STON2: variants seen among roughly 807,000 people sequenced by gnomAD.
The protein encoded by STON2 is stonin 2.
Under a neutral mutation model 65.7 loss-of-function variants are expected in STON2, and 29 were observed. That is an observed-to-expected ratio of 0.44 (90% CI 0.33 to 0.60). The LOEUF is 0.60. STON2 is among the 20% of genes least tolerant of loss of function. The pLI is 0.03. For synonymous variants in STON2, 404 were observed against 414.2 expected, an observed-to-expected ratio of 0.98 and a Z score of 0.30; for missense variants, 1,054 against 1,118.1, an observed-to-expected ratio of 0.94 and a Z score of 0.82.
intron 2 of STON2, among the ~76,000 whole-genome samples, chr14:81,420,368 T>C (rs1311916720): frequency 4.6e-5 from 7 of 152,248 alleles, no homozygotes; most frequent in African/African-American, 1.7e-4. Context: ...GGGTTATTTA[T>C]GCTCATGGAG....
chr14:81,342,831 G>T (rs1330816468), intron 4 of STON2, among the ~76,000 whole-genome samples: 1 of 152,176 alleles, frequency 6.6e-6, no homozygotes, highest in Non-Finnish European at 1.5e-5. Context: ...CAGGGTCTGA[G>T]GGGCAACCTG....
intron 3 of STON2, among the ~76,000 whole-genome samples, chr14:81,380,216 C>T (rs115570409): frequency 0.016 from 2,447 of 152,224 alleles, 68 homozygotes; most frequent in African/African-American, 0.054. Context: ...GATAAACATA[C>T]GGCAAACAAG....
chr14:81,319,776 G>A (rs1896755882), intron 5 of STON2, among the ~76,000 whole-genome samples: 1 of 152,164 alleles, frequency 6.6e-6, no homozygotes, highest in South Asian at 2.1e-4. Flanking sequence ...TGTTAAAAAT[G>A]TCTCAGAGTA....
intron 5 of STON2, among the ~76,000 whole-genome samples, chr14:81,299,584 T>C (rs1895893436): frequency 6.6e-6 from 1 of 152,210 alleles, no homozygotes; most frequent in African/African-American, 2.4e-5. Flanking sequence ...TTTTCCTTTA[T>C]CAACCTTCTT....
Position 81,263,674 on chromosome 14 carries a change from A to G in STON2, c.*4740T>C. 1.0e-6 allele frequency: 1 copy of G among 974,086 alleles called. No homozygotes were observed. Among genetic ancestry groups the G allele is most frequent in the South Asian group, 4.8e-5 (1 of 21,018 alleles). The allele number at this position is 974,086 out of a possible 1,614,324, so 60.3% of individuals were successfully genotyped here. On this transcript the variant is annotated 3_prime_UTR_variant, in exon 8 of 8. Coordinates refer to ENST00000614646, the MANE Select transcript of STON2 (RefSeq NM_001394390.1). ...CTTCCTATGTGGCCCAGGGAAGCCAAAAGATTGGACCTCCCTGACTAAGGT... is the reference window on the plus strand; with the variant it reads ...CTTCCTATGTGGCCCAGGGAAGCCAGAAGATTGGACCTCCCTGACTAAGGT...
chr14:81,402,792 C>A (rs936600999), upstream of STON2, among the ~76,000 whole-genome samples: 6 of 152,164 alleles, frequency 3.9e-5, no homozygotes, highest in Admixed American at 3.9e-4. Flanking sequence ...TGTCTCCCTG[C>A]CTTCAGTATC....
intron 7 of STON2, chr14:81,269,714 T>C: frequency 1.0e-6 from 1 of 985,136 alleles, no homozygotes; most frequent in Non-Finnish European, 1.2e-6. Context: ...GATATTATTA[T>C]AAATAGAAAA....
intron 1 of STON2, among the ~76,000 whole-genome samples, chr14:81,433,931 T>C (rs1902311464): frequency 1.3e-5 from 2 of 152,202 alleles, no homozygotes; most frequent in African/African-American, 4.8e-5. Context: ...CAGTCTGGAA[T>C]GTCTTCTCTT....
At chr14:81,432,919 C>T (rs1266362399) in intron 1 of STON2, among the ~76,000 whole-genome samples, 2 of 152,198 alleles carry the variant, frequency 1.3e-5, no homozygotes, top group Non-Finnish European at 2.9e-5. Context: ...TCAATCACAT[C>T]TTAATGTCTC....
chr14:81,283,679 T>C (rs1352762313), intron 5 of STON2, among the ~76,000 whole-genome samples: 2 of 152,156 alleles, frequency 1.3e-5, no homozygotes, highest in Admixed American at 1.3e-4. Flanking sequence ...TACAGGTGCC[T>C]GCCACCACGC....
chr14:81,263,785 C>G lies in STON2; in HGVS notation c.*4629G>C. The stretch of plus-strand genomic sequence containing the variant: ...AACTGGGAGCATTTCTATAAGCAGG[C>G]TGGATGGTAGTGCTTCCTACTTAAA... On this transcript the variant is annotated 3_prime_UTR_variant, in exon 8 of 8. Coordinates refer to ENST00000614646, the MANE Select transcript of STON2 (RefSeq NM_001394390.1). 1 of 985,280 alleles carries G rather than the reference C, an allele frequency of 1.0e-6. No homozygotes were observed. The highest frequency in any genetic ancestry group is 1.2e-6 in the Non-Finnish European group (1 of 829,890). The allele number at this position is 985,280 out of a possible 1,614,324, so 61.0% of individuals were successfully genotyped here.
chr14:81,262,000 T>C lies in STON2; in HGVS notation c.*6414A>G. 1 of 1,371,770 alleles carries C rather than the reference T, an allele frequency of 7.3e-7. No homozygotes were observed. The highest frequency in any genetic ancestry group is 9.4e-7 in the Non-Finnish European group (1 of 1,066,814). 85.0% of individuals were successfully genotyped at this position (1,371,770 alleles called of 1,614,324 possible). ...AAAAGGAAAAAGATGGACCAGGTGA[T>C]TTTTCCAATCTTCAAAATTTAAATT... On this transcript the variant is annotated 3_prime_UTR_variant, in exon 8 of 8. Transcript: ENST00000614646.
At chr14:81,271,011 G>A (rs1363965192) in intron 6 of STON2, 139 bp from the exon 7 acceptor site, 7 of 1,147,406 alleles carry the variant, frequency 6.1e-6, no homozygotes, top group Admixed American at 6.4e-5. Context: ...TGTTGAGCAC[G>A]AGGATCCGCC....
Position 81,262,603 on chromosome 14 carries a change from C to T in STON2, c.*5811G>A, listed in dbSNP as rs913663162. ...GTCTATTCTCTTGTAGCTTTTGTTA[C>T]ATCCAATGATCATTTGCCTCTCTCC... is the stretch of plus-strand genomic sequence containing the variant. On this transcript the variant is annotated 3_prime_UTR_variant, in exon 8 of 8. Transcript: ENST00000614646. The T allele has an allele frequency of 1.0e-6, 1 of 985,366 alleles. No individual in the cohort carries two copies. 61.0% of individuals were successfully genotyped at this position (985,366 alleles called of 1,614,324 possible). A position where few individuals can be genotyped will look rare whatever the true frequency, so the allele number is the denominator to read the frequency against.
chr14:81,267,496 C>G lies in STON2; in HGVS notation c.*918G>C, dbSNP rs1387185889. 3 of 985,148 alleles carry G rather than the reference C, an allele frequency of 3.0e-6. No individual in the cohort carries two copies. The highest frequency in any genetic ancestry group is 3.6e-6 in the Non-Finnish European group (3 of 829,868). 61.0% of individuals were successfully genotyped at this position (985,148 alleles called of 1,614,324 possible). On this transcript the variant is annotated 3_prime_UTR_variant, in exon 8 of 8. Coordinates refer to ENST00000614646, the MANE Select transcript of STON2 (RefSeq NM_001394390.1). The stretch of plus-strand genomic sequence containing the variant: ...TTGGTCATGAGGTATAAAAAGAACT[C>G]CCAAATGCCCCTTACAAATGCCTCA...
At position 81,314,845 on chromosome 14, in the gene STON2, TG is replaced by T. The variant is rs1352740428; in HGVS notation, c.742+9171del. ...ACACCAAATAAAAATAATACCTCTTTGTTTTTTTTTGTTTTGTTTTTAGAGA... is the reference window on the plus strand; with the variant it reads ...ACACCAAATAAAAATAATACCTCTTTTTTTTTTTTGTTTTGTTTTTAGAGA... On this transcript the variant is annotated intron_variant, in intron 5 of 7. Transcript: ENST00000614646. Among the ~76,000 whole-genome samples, 6 of 152,292 alleles carry T rather than the reference TG, an allele frequency of 3.9e-5. No individual in the cohort carries two copies. The South Asian group carries it at 8.3e-4, about 21-fold the overall frequency.
At chr14:81,332,194 G>A (rs959759934) in intron 4 of STON2, among the ~76,000 whole-genome samples, 1 of 152,104 alleles carries the variant, frequency 6.6e-6, no homozygotes, top group African/African-American at 2.4e-5. Context: ...GGCACTTTTC[G>A]GGCCAGATCT....
chr14:81,414,959 C>T (rs1285578320), intron 2 of STON2, among the ~76,000 whole-genome samples: 1 of 152,090 alleles, frequency 6.6e-6, no homozygotes, highest in Non-Finnish European at 1.5e-5. Context: ...CATGGTCGTC[C>T]ATCAAATGGC....
intron 4 of STON2, among the ~76,000 whole-genome samples, chr14:81,344,439 T>C (rs72701732): frequency 0.032 from 4,824 of 152,254 alleles, 120 homozygotes; most frequent in South Asian, 0.075. Context: ...TACAGCAAAA[T>C]GATTACACAT....
Sources: gnomAD v4.1 joint callset for allele counts (sites outside exome capture counted in the v4.1 genomes callset) on GRCh38, gnomAD v4.1.1 for gene constraint, MANE v1.5 for transcripts, NCBI Gene and HGNC (gene_info 2026-07-23, HGNC 2026-07-21) for gene names.